CSMD1: variants seen among roughly 807,000 people sequenced by gnomAD.
CSMD1 encodes the protein CUB and sushi domain-containing protein 1.
CSMD1 carries 213 observed loss-of-function variants against 417.5 expected under a neutral mutation model. The observed-to-expected ratio is 0.51, with a 90% CI of 0.46 to 0.57. The LOEUF is 0.57. CSMD1 is among the 20% of genes least tolerant of loss of function. The pLI, the probability that CSMD1 is intolerant of heterozygous loss-of-function variation, is 0.00. For synonymous variants in CSMD1, 2,862 were observed against 1,736.8 expected (o/e 1.65, Z -16.11); for missense variants, 6,923 against 4,529.7 (o/e 1.53, Z -15.17).
chr8:4,365,342 G>C (rs1802001536), intron 3 of CSMD1, among the ~76,000 whole-genome samples: 1 of 152,302 alleles, frequency 6.6e-6, no homozygotes, highest in Non-Finnish European at 1.5e-5. Flanking sequence ...GAAATGCTAA[G>C]ATTATCAAAA....
At chr8:4,701,783 G>A (rs1358245039) in intron 1 of CSMD1, among the ~76,000 whole-genome samples, 2 of 79,842 alleles carry the variant, frequency 2.5e-5, no homozygotes, top group African/African-American at 9.4e-5. Context: ...AAAACCTTGG[G>A]TGGAAGATTT....
At chr8:4,647,024 C>T (rs1803560543) in intron 1 of CSMD1, among the ~76,000 whole-genome samples, 2 of 152,176 alleles carry the variant, frequency 1.3e-5, no homozygotes, top group Non-Finnish European at 2.9e-5. Context: ...TGACACGGCC[C>T]TCCTCTAGGC....
At chr8:4,726,994 C>A (rs1413211515) in intron 1 of CSMD1, among the ~76,000 whole-genome samples, 2 of 152,166 alleles carry the variant, frequency 1.3e-5, no homozygotes, top group East Asian at 3.9e-4. Flanking sequence ...GAAAATGAGA[C>A]CCCTATATGT....
chr8:3,868,118 C>T (rs1805232549), intron 5 of CSMD1, among the ~76,000 whole-genome samples: 4 of 152,038 alleles, frequency 2.6e-5, no homozygotes, highest in South Asian at 4.1e-4. Flanking sequence ...TTAAATTATC[C>T]TAGCACTTTC....
At chr8:4,418,466 A>C (rs571970344) in intron 3 of CSMD1, among the ~76,000 whole-genome samples, 1 of 152,260 alleles carries the variant, frequency 6.6e-6, no homozygotes, top group Non-Finnish European at 1.5e-5. Context: ...CACAACATTA[A>C]TTTTGGGAAT....
chr8:4,720,261 G>C (rs963559417), intron 1 of CSMD1, among the ~76,000 whole-genome samples: 3 of 151,798 alleles, frequency 2.0e-5, no homozygotes, highest in Non-Finnish European at 2.9e-5. Flanking sequence ...TTTTGGAAAA[G>C]TTGGAAAAAT....
intron 3 of CSMD1, among the ~76,000 whole-genome samples, chr8:4,416,691 T>G (rs1241747474): frequency 6.6e-6 from 1 of 152,112 alleles, no homozygotes; most frequent in Non-Finnish European, 1.5e-5. Context: ...GATGACCGTG[T>G]ATCACCCAGT....
rs1206832045 is a variant in CSMD1, at chr8:3,997,519, A to C, written c.818+384T>G. Among the ~76,000 whole-genome samples, 3 of 152,226 alleles carry C rather than the reference A, an allele frequency of 2.0e-5. 1 individual carries two copies. The highest frequency in any genetic ancestry group is 4.1e-4 in the South Asian group (2 of 4,832). On this transcript the variant is annotated intron_variant, in intron 5 of 69. Transcript: ENST00000635120. ...AAGGAAAGCACAATCATATATCTGCAGCAGTCTGTCAATTCTCGCTAACGT... is the reference window on the plus strand; with the variant it reads ...AAGGAAAGCACAATCATATATCTGCCGCAGTCTGTCAATTCTCGCTAACGT...
At chr8:3,241,254 G>C (rs111669187) in intron 26 of CSMD1, among the ~76,000 whole-genome samples, 1 of 150,140 alleles carries the variant, frequency 6.7e-6, no homozygotes, top group African/African-American at 2.4e-5. Flanking sequence ...GTCTAAGCTG[G>C]CACCAGAGTT....
intron 3 of CSMD1, among the ~76,000 whole-genome samples, chr8:4,055,558 T>C (rs1367572279): frequency 7.1e-6 from 1 of 140,950 alleles, no homozygotes; most frequent in Non-Finnish European, 1.5e-5. Flanking sequence ...GAATATCATA[T>C]AAAGAAGAAG....
intron 1 of CSMD1, among the ~76,000 whole-genome samples, chr8:4,905,092 G>A (rs1563726541): frequency 6.6e-6 from 1 of 152,120 alleles, no homozygotes; most frequent in African/African-American, 2.4e-5. Flanking sequence ...ATCGTTCCCT[G>A]TGGTGTATTT....
At chr8:4,270,405 C>T (rs754556567) in intron 3 of CSMD1, among the ~76,000 whole-genome samples, 1 of 152,142 alleles carries the variant, frequency 6.6e-6, no homozygotes, top group Non-Finnish European at 1.5e-5. Context: ...CTCGGCCACA[C>T]TTGCCTTGGC....
chr8:3,205,605 T>C lies in CSMD1; in HGVS notation c.4883A>G (p.Gln1628Arg), dbSNP rs1797206960. 6.4e-7 allele frequency: 1 copy of C among 1,562,012 alleles called. No homozygotes were observed. The highest frequency in any genetic ancestry group is 8.7e-7 in the Non-Finnish European group (1 of 1,143,888). The change falls in exon 31 of 70, where the codon CAG becomes CGG. Residue 1628 changes from glutamine to arginine, a missense_variant. Gln to Arg is a conservative substitution (Grantham distance 43, BLOSUM62 1). Transcript: ENST00000635120. ...AACTACCCCTTCTGATCCCGTGTAC[T>C]GGCCTCCACAGGGAGCTGAAAATAA... ...LPSCNAPCGG[Q>R]YTGSEGVVLS...
chr8:3,525,178 C>G (rs533355167), intron 10 of CSMD1, among the ~76,000 whole-genome samples: 14 of 152,208 alleles, frequency 9.2e-5, no homozygotes, highest in South Asian at 4.1e-4. Flanking sequence ...TGTCTGTGTT[C>G]TGTGTGAGAC....
At chr8:4,960,458 A>AT (rs1399648841) in intron 1 of CSMD1, among the ~76,000 whole-genome samples, 3 of 152,284 alleles carry the variant, frequency 2.0e-5, no homozygotes, top group East Asian at 3.9e-4. Flanking sequence ...TGTGCTGGGG[A>AT]TAAACAAAGT....
intron 3 of CSMD1, among the ~76,000 whole-genome samples, chr8:4,232,733 A>T (rs868301543): frequency 2.0e-5 from 3 of 152,230 alleles, no homozygotes; most frequent in African/African-American, 7.2e-5. Context: ...TAACAGTCGT[A>T]AGATTGCCTT....
chr8:4,407,736 A>G (rs1174513401), intron 3 of CSMD1, among the ~76,000 whole-genome samples: 1 of 152,216 alleles, frequency 6.6e-6, no homozygotes. Context: ...TGATTCATGC[A>G]TGTAAGCATT....
intron 2 of CSMD1, among the ~76,000 whole-genome samples, chr8:4,458,026 C>T (rs1376923363): frequency 2.0e-5 from 3 of 152,112 alleles, no homozygotes. Flanking sequence ...ATCCGGTATT[C>T]CTCTATTCTT....
intron 3 of CSMD1, among the ~76,000 whole-genome samples, chr8:4,036,699 C>G (rs771729581): frequency 2.0e-5 from 3 of 152,198 alleles, no homozygotes; most frequent in Non-Finnish European, 4.4e-5. Context: ...CTCATTGTAT[C>G]TGACGTAAAG....
Sources: allele counts gnomAD v4.1 joint callset (sites outside exome capture counted in the v4.1 genomes callset), GRCh38; gene constraint gnomAD v4.1.1; transcripts MANE v1.5; gene names NCBI Gene and HGNC (gene_info 2026-07-23, HGNC 2026-07-21).